Variants in PLXDC2 observed in about 807,000 individuals in gnomAD.
The protein encoded by PLXDC2 is plexin domain-containing protein 2.
Under a neutral mutation model 68.9 loss-of-function variants are expected in PLXDC2, and 40 were observed. The ratio of observed to expected loss-of-function variants is 0.58; its 90% CI spans 0.45 to 0.76. The LOEUF (loss-of-function observed/expected upper bound fraction) is 0.76, where lower values mean the gene tolerates loss of function less well. Among genes scored for constraint, PLXDC2 ranks in the 30% least tolerant of loss-of-function variants. PLXDC2 has a pLI of 0.00. For synonymous variants in PLXDC2, 243 were observed against 234.2 expected (o/e 1.04, Z -0.34); for missense variants, 644 against 661.9 (o/e 0.97, Z 0.30).
rs191106315 is a variant in PLXDC2, at chr10:19,922,519, C to T, written c.113-79256C>T. On this transcript the variant is annotated intron_variant, in intron 1 of 13. Coordinates refer to ENST00000377252, the MANE Select transcript of PLXDC2 (RefSeq NM_032812.9). ...CATGATTCCACTTACTTGACTTTAG[C>T]CTTTTGGAGTGTCCCTGGGGTTGGG... Among the ~76,000 whole-genome samples, 11 of 152,182 alleles carry T rather than the reference C, an allele frequency of 7.2e-5. No individual in the cohort carries two copies. In the East Asian group the frequency reaches 1.7e-3, roughly 24 times the overall value.
intron 1 of PLXDC2, among the ~76,000 whole-genome samples, chr10:19,888,867 A>G (rs1837896593): frequency 6.6e-6 from 1 of 152,162 alleles, no homozygotes; most frequent in Non-Finnish European, 1.5e-5. Flanking sequence ...TTATCTGAGT[A>G]TATAGAACAG....
At chr10:20,083,245 G>T (rs1313229521) in intron 4 of PLXDC2, among the ~76,000 whole-genome samples, 1 of 152,004 alleles carries the variant, frequency 6.6e-6, no homozygotes, top group African/African-American at 2.4e-5. Flanking sequence ...GGAGGCCAAG[G>T]CGGGTGGATC....
intron 1 of PLXDC2, among the ~76,000 whole-genome samples, chr10:19,887,028 C>T (rs72785804): frequency 0.045 from 6,921 of 152,254 alleles, 203 homozygotes; most frequent in Middle Eastern, 0.12. Flanking sequence ...TTTTTGACTT[C>T]ATAGCTCCCC....
chr10:20,140,256 G>A (rs996382932), intron 4 of PLXDC2, among the ~76,000 whole-genome samples: 9 of 152,004 alleles, frequency 5.9e-5, no homozygotes, highest in Admixed American at 2.6e-4. Flanking sequence ...CAGAGATCGC[G>A]CCACTGCACT....
At chr10:19,873,705 G>A (rs898708342) in intron 1 of PLXDC2, among the ~76,000 whole-genome samples, 1 of 152,044 alleles carries the variant, frequency 6.6e-6, no homozygotes, top group African/African-American at 2.4e-5. Context: ...CTTATAAAAC[G>A]TTATATAAAG....
At chr10:20,229,108 C>T (rs1438248269) in intron 12 of PLXDC2, among the ~76,000 whole-genome samples, 4 of 151,966 alleles carry the variant, frequency 2.6e-5, no homozygotes, top group Admixed American at 6.6e-5. Context: ...AGAAAGACCC[C>T]ATAAGAAGAA....
At chr10:20,102,582 G>C (rs1017533608) in intron 4 of PLXDC2, among the ~76,000 whole-genome samples, 1 of 152,138 alleles carries the variant, frequency 6.6e-6, no homozygotes, top group Admixed American at 6.5e-5. Flanking sequence ...ATTATGTAAG[G>C]GGTACGAGAA....
intron 13 of PLXDC2, among the ~76,000 whole-genome samples, chr10:20,277,208 CAAAAAAAAA>C (rs60978653): frequency 8.8e-5 from 6 of 67,950 alleles, no homozygotes; most frequent in South Asian, 7.2e-4. Flanking sequence ...GATTCCATCT[CAAAAAAAAA>C]AAAAAAAAAA....
chr10:20,101,485 C>G (rs1207416361), intron 4 of PLXDC2, among the ~76,000 whole-genome samples: 1 of 152,188 alleles, frequency 6.6e-6, no homozygotes, highest in Non-Finnish European at 1.5e-5. Flanking sequence ...TATTTCAAAT[C>G]TTGAAAGCTG....
At chr10:20,263,362 A>G (rs7896368) in intron 13 of PLXDC2, among the ~76,000 whole-genome samples, 1 of 152,142 alleles carries the variant, frequency 6.6e-6, no homozygotes, top group South Asian at 2.1e-4. Context: ...TCTACTCAAG[A>G]TGGAGTAAAG....
intron 4 of PLXDC2, among the ~76,000 whole-genome samples, chr10:20,098,833 A>G (rs1364731491): frequency 1.3e-5 from 2 of 152,174 alleles, no homozygotes; most frequent in East Asian, 3.9e-4. Context: ...AGTCCTCTGA[A>G]GGGAGCATTG....
At chr10:20,096,429 G>A (rs1589627209) in intron 4 of PLXDC2, among the ~76,000 whole-genome samples, 1 of 152,094 alleles carries the variant, frequency 6.6e-6, no homozygotes, top group South Asian at 2.1e-4. Context: ...GGGAAGGAAA[G>A]ATGAGGGAAG....
intron 4 of PLXDC2, among the ~76,000 whole-genome samples, chr10:20,123,734 G>T (rs1445304475): frequency 6.6e-6 from 1 of 151,916 alleles, no homozygotes; most frequent in Non-Finnish European, 1.5e-5. Flanking sequence ...TGGGAAAGGG[G>T]ATGGGGCACA....
chr10:19,852,120 C>T (rs769296442), intron 1 of PLXDC2, among the ~76,000 whole-genome samples: 7 of 152,058 alleles, frequency 4.6e-5, no homozygotes, highest in Non-Finnish European at 1.0e-4. Context: ...AACCATTTAT[C>T]AAGGCTGGGC....
At chr10:20,030,100 T>C (rs1835474604) in intron 2 of PLXDC2, among the ~76,000 whole-genome samples, 1 of 152,116 alleles carries the variant, frequency 6.6e-6, no homozygotes, top group South Asian at 2.1e-4. Context: ...TATTATGAAA[T>C]AATGTCTCAA....
intron 13 of PLXDC2, among the ~76,000 whole-genome samples, chr10:20,266,046 A>G (rs1176846027): frequency 6.6e-6 from 1 of 152,200 alleles, no homozygotes; most frequent in Non-Finnish European, 1.5e-5. Flanking sequence ...ATAAACTTCT[A>G]CTTTATTATA....
At chr10:20,045,936 A>T (rs1290886849) in intron 2 of PLXDC2, among the ~76,000 whole-genome samples, 1 of 152,114 alleles carries the variant, frequency 6.6e-6, no homozygotes, top group African/African-American at 2.4e-5. Context: ...CTCTTAAAAC[A>T]TTTACATCTC....
intron 4 of PLXDC2, among the ~76,000 whole-genome samples, chr10:20,086,549 C>T (rs1833199314): frequency 6.6e-6 from 1 of 151,810 alleles, no homozygotes; most frequent in Non-Finnish European, 1.5e-5. Flanking sequence ...TTGACATTTT[C>T]CTAAATGCAA....
intron 4 of PLXDC2, among the ~76,000 whole-genome samples, chr10:20,081,113 C>T (rs1230297220): frequency 3.3e-5 from 5 of 152,198 alleles, no homozygotes. Flanking sequence ...CTAGAGCCTT[C>T]TCCAGAACAA....
Sources: gnomAD v4.1 joint callset for allele counts (sites outside exome capture counted in the v4.1 genomes callset) on GRCh38, gnomAD v4.1.1 for gene constraint, MANE v1.5 for transcripts, NCBI Gene and HGNC (gene_info 2026-07-23, HGNC 2026-07-21) for gene names.